NME8: variants seen among roughly 807,000 people sequenced by gnomAD.
NME8 encodes the protein NME/NM23 family member 8, also known as protein NME8.
In NME8, 72 loss-of-function variants were observed where a neutral mutation model predicts 82.3. That is an observed-to-expected ratio of 0.87 (90% CI 0.72 to 1.06). The LOEUF is 1.06. Among genes scored for constraint, NME8 ranks in the 50% least tolerant of loss-of-function variants. The probability of loss-of-function intolerance (pLI) is 0.00; values close to 1 mark genes in which losing one functional copy is unlikely to be tolerated. For missense variants in NME8, 712 were observed against 685.4 expected, an observed-to-expected ratio of 1.04 and a Z score of -0.43; for synonymous variants, 267 against 228.5, an observed-to-expected ratio of 1.17 and a Z score of -1.52.
chr7:37,848,806 C>T lies in NME8; in HGVS notation c.-240-18C>T, dbSNP rs1344541650. The stretch of plus-strand genomic sequence containing the variant: ...GCAGATGGGTTGGACAAAACATTGC[C>T]CCCCTTCTTCTTCCCAGACAGGCAG... On this transcript the variant is annotated intron_variant, in intron 1 of 17. Coordinates refer to ENST00000199447, the MANE Select transcript of NME8 (RefSeq NM_016616.5). The T allele has an allele frequency of 6.6e-6, 1 of 152,268 alleles. No individual in the cohort carries two copies. The highest frequency in any genetic ancestry group is 2.4e-5 in the African/African-American group (1 of 41,450). The allele number at this position is 152,268 out of a possible 1,614,324, so 9.4% of individuals were successfully genotyped here. A position where few individuals can be genotyped will look rare whatever the true frequency, so the allele number is the denominator to read the frequency against.
intron 12 of NME8, among the ~76,000 whole-genome samples, chr7:37,878,567 A>G (rs916731989): frequency 6.6e-6 from 1 of 152,206 alleles, no homozygotes; most frequent in Non-Finnish European, 1.5e-5. Context: ...TGATTTAGAC[A>G]TGGGGTTCTC....
At chr7:37,857,531 G>A (rs1784528625) in intron 6 of NME8, among the ~76,000 whole-genome samples, 186 bp downstream of exon 6, 2 of 152,154 alleles carry the variant, frequency 1.3e-5, no homozygotes, top group African/African-American at 2.4e-5. Context: ...GGATTGAAGG[G>A]ATTAGATGAT....
chr7:37,880,403 C>T (rs2722337), intron 12 of NME8, among the ~76,000 whole-genome samples: 70,976 of 151,846 alleles, frequency 0.47, 17,001 homozygotes, highest in East Asian at 0.74. Context: ...TCTAGACTTA[C>T]TGTTTTGAGA....
chr7:37,867,840 G>C lies in NME8; in HGVS notation c.760G>C (p.Asp254His), dbSNP rs948721664. The C allele has an allele frequency of 3.7e-6, 6 of 1,613,724 alleles. 1 individual carries two copies. In the Admixed American group the frequency reaches 1.0e-4, roughly 27 times the overall value. ...CACCGAACCTAACGAACGATCTGAGGATCAACCTGAGGTCGAAGCCCAGGT... is the reference window on the plus strand; with the variant it reads ...CACCGAACCTAACGAACGATCTGAGCATCAACCTGAGGTCGAAGCCCAGGT... The part of the protein sequence containing the change: ...TDTEPNERSE[D>H]QPEVEAQVTP... Residue 254 changes from aspartate to histidine, a missense_variant, in exon 11 of 18, where the codon GAT becomes CAT. By Grantham distance (81) the Asp-to-His change is moderately conservative. Coordinates refer to ENST00000199447, the MANE Select transcript of NME8 (RefSeq NM_016616.5).
intron 16 of NME8, among the ~76,000 whole-genome samples, chr7:37,895,014 A>G (rs1785200546): frequency 6.6e-6 from 1 of 151,832 alleles, no homozygotes; most frequent in Admixed American, 6.6e-5. Flanking sequence ...GAGTTTCCTT[A>G]TCTGTTGAAT....
intron 12 of NME8, among the ~76,000 whole-genome samples, chr7:37,880,576 T>C: frequency 6.6e-6 from 1 of 152,210 alleles, no homozygotes; most frequent in Non-Finnish European, 1.5e-5. Flanking sequence ...TCTGGTAGTA[T>C]CACTTCTCTA....
In NME8 at chr7:37,862,120, A is replaced by G; in HGVS notation, c.363A>G (p.Ala121=). Residue 121 remains alanine, a synonymous_variant, in exon 7 of 18, where the codon GCA becomes GCG. Coordinates refer to ENST00000199447, the MANE Select transcript of NME8 (RefSeq NM_016616.5). ...TGATCGATGAGGAGAGAAAAATTGC[A>G]GCAGGTGAAATGGCTCGACCTCAGG... The part of the protein sequence containing the change: ...INLIDEERKI[A]AGEMARPQYP... The G allele has an allele frequency of 6.2e-7, 1 of 1,612,726 alleles. No individual in the cohort carries two copies. Among genetic ancestry groups the G allele is most frequent in the Non-Finnish European group, 8.5e-7 (1 of 1,178,854 alleles).
chr7:37,854,765 C>A (rs550578620), intron 5 of NME8, among the ~76,000 whole-genome samples: 5 of 151,744 alleles, frequency 3.3e-5, no homozygotes, highest in African/African-American at 9.6e-5. Flanking sequence ...TGTCTCTCAG[C>A]TCTTGGATTT....
At chr7:37,853,559 A>C (rs1784466533) in intron 5 of NME8, among the ~76,000 whole-genome samples, 1 of 152,178 alleles carries the variant, frequency 6.6e-6, no homozygotes. Context: ...ATTCTTGTGA[A>C]TCCTGGCAGT....
chr7:37,866,064 C>G (rs1784671521), intron 10 of NME8, among the ~76,000 whole-genome samples: 1 of 151,952 alleles, frequency 6.6e-6, no homozygotes, highest in South Asian at 2.1e-4. Flanking sequence ...CCTACCCCAC[C>G]AACTCTTTTT....
chr7:37,866,041 CTCCT>C (rs1562832035), intron 10 of NME8, among the ~76,000 whole-genome samples: 1 of 151,974 alleles, frequency 6.6e-6, no homozygotes, highest in African/African-American at 2.4e-5. Context: ...AACTGCCCCA[CTCCT>C]GCCACCTCCC....
rs1324258329 is a variant in NME8, at chr7:37,867,754, T to C, written c.674T>C (p.Leu225Pro). ...SFMTSGLSYILVVSQGSKHNP... is the reference protein window; with the variant it reads ...SFMTSGLSYIPVVSQGSKHNP... Reference sequence around the variant, plus strand: ...ATGACAAGTGGCTTAAGCTATATTCTAGTTGTATCTCAAGGAAGTAAACAC... The same window carrying C: ...ATGACAAGTGGCTTAAGCTATATTCCAGTTGTATCTCAAGGAAGTAAACAC... Residue 225 changes from leucine to proline, a missense_variant, in exon 11 of 18, where the codon CTA becomes CCA. Coordinates refer to ENST00000199447, the MANE Select transcript of NME8 (RefSeq NM_016616.5). The C allele has an allele frequency of 1.9e-6, 3 of 1,613,590 alleles. No homozygotes were observed. In the East Asian group the frequency reaches 6.7e-5, roughly 36 times the overall value.
chr7:37,879,302 A>G (rs1331079259), intron 12 of NME8, among the ~76,000 whole-genome samples: 1 of 151,998 alleles, frequency 6.6e-6, no homozygotes, highest in African/African-American at 2.4e-5. Context: ...GTGTGCCACC[A>G]TGCCCGGCTA....
intron 5 of NME8, 121 bp from the exon 6 acceptor site, chr7:37,857,153 C>T (rs1784523454): frequency 1.4e-6 from 1 of 737,948 alleles, no homozygotes; most frequent in Non-Finnish European, 2.3e-6. Context: ...ACCACTAAGG[C>T]ATACCGAATG....
chr7:37,857,253 T>C (rs767289819), intron 5 of NME8, 21 bp from the exon 6 acceptor site: 10 of 1,565,086 alleles, frequency 6.4e-6, no homozygotes, highest in Non-Finnish European at 8.8e-6. Context: ...TATTATTATA[T>C]GAAATGTTTA....
At chr7:37,885,330 A>G in intron 14 of NME8, 78 bp downstream of exon 14, 1 of 884,634 alleles carries the variant, frequency 1.1e-6, no homozygotes, top group South Asian at 1.4e-5. Context: ...GAGTATTGGA[A>G]CCACAGCTCT....
At chr7:37,870,408 G>T (rs977927220) in intron 11 of NME8, among the ~76,000 whole-genome samples, 8 of 151,906 alleles carry the variant, frequency 5.3e-5, no homozygotes, top group African/African-American at 1.7e-4. Context: ...GATCAACATG[G>T]TGAAACCCAG....
chr7:37,886,114 C>A (rs1785035784), intron 14 of NME8, among the ~76,000 whole-genome samples: 1 of 152,188 alleles, frequency 6.6e-6, no homozygotes, highest in Non-Finnish European at 1.5e-5. Flanking sequence ...ACATGTATTG[C>A]CCCTTAGTTA....
intron 12 of NME8, 134 bp from the exon 13 acceptor site, chr7:37,884,169 G>A (rs1785006146): frequency 1.5e-6 from 1 of 658,342 alleles, no homozygotes; most frequent in Non-Finnish European, 2.7e-6. Context: ...ACCTAAGAAG[G>A]TATTTCTGCA....
Sources: allele counts gnomAD v4.1 joint callset (sites outside exome capture counted in the v4.1 genomes callset), GRCh38; gene constraint gnomAD v4.1.1; transcripts MANE v1.5; gene names NCBI Gene and HGNC (gene_info 2026-07-23, HGNC 2026-07-21).